AGBL4: variants seen among roughly 807,000 people sequenced by gnomAD.
AGBL4 encodes the protein AGBL carboxypeptidase 4.
In AGBL4, 58 loss-of-function variants were observed where a neutral mutation model predicts 66.4. That is an observed-to-expected ratio of 0.87 (90% CI 0.71 to 1.09). The LOEUF is 1.09. AGBL4 is among the 50% of genes least tolerant of loss of function. The probability of loss-of-function intolerance (pLI) is 0.00; values close to 1 mark genes in which losing one functional copy is unlikely to be tolerated. For synonymous variants in AGBL4, 234 were observed against 222.9 expected (o/e 1.05, Z -0.44); for missense variants, 579 against 631.0 (o/e 0.92, Z 0.88).
chr1:49,058,140 T>C (rs1198261688), intron 4 of AGBL4, among the ~76,000 whole-genome samples: 1 of 152,214 alleles, frequency 6.6e-6, no homozygotes, highest in African/African-American at 2.4e-5. Flanking sequence ...TCCTCTACAG[T>C]GCAGAATCCT....
intron 3 of AGBL4, among the ~76,000 whole-genome samples, chr1:49,313,045 C>T (rs1644968960): frequency 6.6e-6 from 1 of 151,946 alleles, no homozygotes; most frequent in Non-Finnish European, 1.5e-5. Flanking sequence ...CCCCAACAGG[C>T]CCCAGTGTGT....
intron 2 of AGBL4, among the ~76,000 whole-genome samples, chr1:49,830,400 T>A (rs1645635575): frequency 6.6e-6 from 1 of 152,228 alleles, no homozygotes. Flanking sequence ...ATTAGTTGGC[T>A]ACACAAATGT....
At chr1:48,906,018 G>A (rs1652556826) in intron 5 of AGBL4, among the ~76,000 whole-genome samples, 1 of 152,132 alleles carries the variant, frequency 6.6e-6, no homozygotes, top group African/African-American at 2.4e-5. Context: ...TAACTAAAAT[G>A]AGTAAAATTT....
At chr1:49,309,146 G>A (rs1570402444) in intron 3 of AGBL4, among the ~76,000 whole-genome samples, 1 of 152,012 alleles carries the variant, frequency 6.6e-6, no homozygotes, top group East Asian at 1.9e-4. Context: ...TTGTGGTCTA[G>A]GCTCAACATT....
Position 48,587,163 on chromosome 1 carries a change from T to C in AGBL4, c.1108A>G (p.Ser370Gly), listed in dbSNP as rs1216827085. The C allele has an allele frequency of 1.3e-6, 2 of 1,552,094 alleles. No individual in the cohort carries two copies. ...ACAGCGTCCCGGTTAAAGGATGTGCTGGACTGTGAAAGACAGAGTAGGGAG... is the reference window on the plus strand; with the variant it reads ...ACAGCGTCCCGGTTAAAGGATGTGCCGGACTGTGAAAGACAGAGTAGGGAG... ...CQNAEDFSYSSTSFNRDAVKA... is the reference protein window; with the variant it reads ...CQNAEDFSYSGTSFNRDAVKA... Residue 370 changes from serine (S) to glycine (G), a missense_variant, in exon 11 of 14, where the codon AGC (serine) becomes GGC (glycine). Physicochemically the swap from Ser to Gly is moderately conservative, Grantham distance 56 (BLOSUM62 0). Transcript: ENST00000371839.
intron 3 of AGBL4, among the ~76,000 whole-genome samples, chr1:49,274,047 A>T (rs923278420): frequency 6.6e-6 from 1 of 152,176 alleles, no homozygotes; most frequent in African/African-American, 2.4e-5. Context: ...AGTTTGCCTC[A>T]TGCTGTCTTT....
At chr1:49,331,705 T>C (rs1178644512) in intron 3 of AGBL4, among the ~76,000 whole-genome samples, 1 of 151,884 alleles carries the variant, frequency 6.6e-6, no homozygotes, top group African/African-American at 2.4e-5. Context: ...CTTTGTTGTT[T>C]GGATGACTCA....
At chr1:49,547,721 G>A (rs1046665925) in intron 3 of AGBL4, among the ~76,000 whole-genome samples, 24 of 151,492 alleles carry the variant, frequency 1.6e-4, no homozygotes, top group African/African-American at 5.8e-4. Context: ...TCTTGGTTAG[G>A]TATATTCCTA....
intron 4 of AGBL4, among the ~76,000 whole-genome samples, chr1:49,054,237 A>C (rs776162278): frequency 6.6e-6 from 1 of 152,100 alleles, no homozygotes; most frequent in African/African-American, 2.4e-5. Flanking sequence ...ATCAAAGTCA[A>C]CAGATATATC....
chr1:49,129,981 T>A (rs1289564649), intron 4 of AGBL4, among the ~76,000 whole-genome samples: 1 of 152,172 alleles, frequency 6.6e-6, no homozygotes, highest in African/African-American at 2.4e-5. Flanking sequence ...ACCTGTTGTT[T>A]CCTGACTTTT....
At chr1:48,906,742 A>T (rs1327745035) in intron 5 of AGBL4, among the ~76,000 whole-genome samples, 2 of 152,254 alleles carry the variant, frequency 1.3e-5, no homozygotes, top group African/African-American at 4.8e-5. Flanking sequence ...ATGAAAACAA[A>T]GAAATAAAAT....
chr1:48,526,553 G>A, the AGBL4 span, among the ~76,000 whole-genome samples: 1 of 152,192 alleles, frequency 6.6e-6, no homozygotes, highest in African/African-American at 2.4e-5. Context: ...TAGATTAGTA[G>A]TAGCAGCAAT....
intron 4 of AGBL4, 138 bp from the exon 5 acceptor site, chr1:49,045,938 C>A: frequency 1.4e-6 from 1 of 729,774 alleles, no homozygotes; most frequent in Non-Finnish European, 2.2e-6. Flanking sequence ...AATGACAACA[C>A]AAACCACATA....
chr1:49,147,139 G>T (rs918084320), intron 4 of AGBL4, among the ~76,000 whole-genome samples: 2 of 152,150 alleles, frequency 1.3e-5, no homozygotes, highest in African/African-American at 4.8e-5. Flanking sequence ...AGACATCACA[G>T]AAATATCTGC....
intron 4 of AGBL4, among the ~76,000 whole-genome samples, chr1:49,091,748 T>G (rs1027870319): frequency 4.6e-5 from 7 of 152,272 alleles, no homozygotes; most frequent in Admixed American, 4.6e-4. Context: ...ATCTCAGCGC[T>G]ATTCACAATG....
chr1:49,936,467 G>A (rs1002823237), intron 1 of AGBL4, among the ~76,000 whole-genome samples: 8 of 152,064 alleles, frequency 5.3e-5, no homozygotes, highest in Admixed American at 3.9e-4. Flanking sequence ...CCAACATTCA[G>A]ATTCAGGAAA....
intron 3 of AGBL4, among the ~76,000 whole-genome samples, chr1:49,311,551 C>T (rs1190974955): frequency 6.6e-6 from 1 of 151,974 alleles, no homozygotes; most frequent in Non-Finnish European, 1.5e-5. Flanking sequence ...TCCAAATCCA[C>T]ATAACAAAAA....
chr1:49,796,308 C>G (rs1644728259), intron 2 of AGBL4, among the ~76,000 whole-genome samples: 1 of 151,520 alleles, frequency 6.6e-6, no homozygotes, highest in African/African-American at 2.4e-5. Flanking sequence ...AGATTCAGAT[C>G]CTTTGAAATC....
At chr1:49,197,745 C>T (rs1459660177) in intron 4 of AGBL4, among the ~76,000 whole-genome samples, 1 of 152,192 alleles carries the variant, frequency 6.6e-6, no homozygotes, top group Non-Finnish European at 1.5e-5. Flanking sequence ...AACTTGCTAC[C>T]CAGGCCAAAA....
Sources: gnomAD v4.1 joint callset for allele counts (sites outside exome capture counted in the v4.1 genomes callset) on GRCh38, gnomAD v4.1.1 for gene constraint, MANE v1.5 for transcripts, NCBI Gene and HGNC (gene_info 2026-07-23, HGNC 2026-07-21) for gene names.